The following ZFHX3 variants were observed in gnomAD, a reference collection of about 807,000 sequenced individuals.
The protein encoded by ZFHX3 is zinc finger homeobox 3.
ZFHX3 carries 42 observed loss-of-function variants against 279.1 expected under a neutral mutation model. That is an observed-to-expected ratio of 0.15 (90% CI 0.12 to 0.19). ZFHX3 has a LOEUF of 0.19. ZFHX3 is among the 10% of genes least tolerant of loss of function. The probability of loss-of-function intolerance (pLI) is 1.00; values close to 1 mark genes in which losing one functional copy is unlikely to be tolerated. For synonymous variants in ZFHX3, 2,293 were observed against 1,957.8 expected, an observed-to-expected ratio of 1.17 and a Z score of -4.52; for missense variants, 4,981 against 4,754.0, an observed-to-expected ratio of 1.05 and a Z score of -1.40.
chr16:73,727,260 G>A (rs2053526785), intron 1 of ZFHX3, among the ~76,000 whole-genome samples: 1 of 152,232 alleles, frequency 6.6e-6, no homozygotes. Context: ...AAGCCAGAGA[G>A]GAGCCTCCAG....
chr16:72,854,569 T>C (rs2037701868), intron 4 of ZFHX3, among the ~76,000 whole-genome samples: 1 of 152,098 alleles, frequency 6.6e-6, no homozygotes, highest in African/African-American at 2.4e-5. Context: ...AAGATGGTCC[T>C]GGACAAATGA....
intron 4 of ZFHX3, among the ~76,000 whole-genome samples, chr16:73,260,448 C>A (rs1259617242): frequency 6.6e-6 from 1 of 152,066 alleles, no homozygotes; most frequent in African/African-American, 2.4e-5. Flanking sequence ...TTGATGCACG[C>A]TTGGCCAGTT....
intron 3 of ZFHX3, among the ~76,000 whole-genome samples, chr16:73,367,666 C>A (rs1349270819): frequency 6.6e-6 from 1 of 151,900 alleles, no homozygotes; most frequent in Admixed American, 6.6e-5. Flanking sequence ...GTCCAGCCCA[C>A]CTTGGGCTTG....
intron 3 of ZFHX3, among the ~76,000 whole-genome samples, chr16:73,392,395 G>A (rs1381854578): frequency 1.9e-5 from 2 of 107,668 alleles, no homozygotes; most frequent in African/African-American, 7.2e-5. Flanking sequence ...CTCCAGCCTG[G>A]GTGACAGAAT....
At chr16:73,537,276 G>A (rs1166898726) in intron 2 of ZFHX3, among the ~76,000 whole-genome samples, 2 of 144,466 alleles carry the variant, frequency 1.4e-5, no homozygotes, top group African/African-American at 5.1e-5. Context: ...CTTGTGTTCT[G>A]ATTCCGGCTC....
At chr16:73,880,918 G>A (rs1019281056) in intron 1 of ZFHX3, among the ~76,000 whole-genome samples, 2 of 152,138 alleles carry the variant, frequency 1.3e-5, no homozygotes, top group South Asian at 2.1e-4. Context: ...TGATATAGGC[G>A]AGAAGAGTAT....
intron 3 of ZFHX3, among the ~76,000 whole-genome samples, chr16:73,334,611 C>A (rs2015872782): frequency 6.6e-6 from 1 of 151,832 alleles, no homozygotes; most frequent in African/African-American, 2.4e-5. Flanking sequence ...GCCGAGTGGC[C>A]ACTCGCAGTC....
chr16:72,973,836 G>C (rs1326282363), intron 1 of ZFHX3: 3 of 152,146 alleles, frequency 2.0e-5, no homozygotes, highest in African/African-American at 7.2e-5. Flanking sequence ...CGAAATCACT[G>C]CACTCCAGCC....
At chr16:72,955,545 A>T (rs997400697) in intron 2 of ZFHX3, among the ~76,000 whole-genome samples, 3 of 152,168 alleles carry the variant, frequency 2.0e-5, no homozygotes, top group African/African-American at 7.2e-5. Context: ...TTGGGAGGCC[A>T]AGGCGGGCAG....
At chr16:73,681,533 G>A (rs546661102) in intron 1 of ZFHX3, among the ~76,000 whole-genome samples, 1 of 152,316 alleles carries the variant, frequency 6.6e-6, no homozygotes, top group Non-Finnish European at 1.5e-5. Flanking sequence ...ATAGTCATGA[G>A]TCTAGAGCAC....
chr16:73,138,303 C>A (rs996994912), intron 6 of ZFHX3, among the ~76,000 whole-genome samples: 2 of 152,096 alleles, frequency 1.3e-5, no homozygotes, highest in Non-Finnish European at 2.9e-5. Flanking sequence ...CTACTTTTAC[C>A]CAAAGAAGTT....
chr16:72,953,167 T>C (rs1179021128), intron 2 of ZFHX3, among the ~76,000 whole-genome samples: 1 of 152,044 alleles, frequency 6.6e-6, no homozygotes, highest in Non-Finnish European at 1.5e-5. Flanking sequence ...GCCACAGAAA[T>C]CTTTTGCACA....
At chr16:73,347,993 C>T (rs1039518480) in intron 3 of ZFHX3, among the ~76,000 whole-genome samples, 94 of 152,196 alleles carry the variant, frequency 6.2e-4, no homozygotes, top group African/African-American at 2.1e-3. Context: ...CAAGCTTGTT[C>T]CTTAGGCAGT....
At chr16:73,856,278 A>T (rs1961725060) in intron 1 of ZFHX3, among the ~76,000 whole-genome samples, 1 of 152,194 alleles carries the variant, frequency 6.6e-6, no homozygotes, top group Non-Finnish European at 1.5e-5. Flanking sequence ...AAAACGTTTT[A>T]CACTAAGCAT....
At chr16:73,512,088 T>C (rs2019438125) in intron 2 of ZFHX3, among the ~76,000 whole-genome samples, 1 of 151,958 alleles carries the variant, frequency 6.6e-6, no homozygotes, top group Non-Finnish European at 1.5e-5. Flanking sequence ...ATAGCTTACA[T>C]GCTGCAGGAA....
At chr16:73,105,552 A>G (rs117199825) in intron 7 of ZFHX3, among the ~76,000 whole-genome samples, 22,906 of 151,550 alleles carry the variant, frequency 0.15, 2,040 homozygotes, top group Middle Eastern at 0.25. Flanking sequence ...AGGAGTTTCA[A>G]GACCCGCCTG....
In ZFHX3 at chr16:73,196,497, T is replaced by A. The variant is rs550575676; in HGVS notation, c.-1103-52666A>T. ...CTGAAAAATAATTCTGAACTGGGGCTTGAAAACATAGAGTTGAGAAACAAA... is the reference window on the plus strand; with the variant it reads ...CTGAAAAATAATTCTGAACTGGGGCATGAAAACATAGAGTTGAGAAACAAA... On this transcript the variant is annotated intron_variant, in intron 5 of 17. Coordinates refer to the ZFHX3 transcript ENST00000641206. Among the ~76,000 whole-genome samples, 24 of 152,136 alleles carry A rather than the reference T, an allele frequency of 1.6e-4. No homozygotes were observed. The South Asian group carries it at 3.5e-3, about 22-fold the overall frequency.
At chr16:73,411,519 T>C (rs1405813505) in intron 3 of ZFHX3, among the ~76,000 whole-genome samples, 1 of 152,158 alleles carries the variant, frequency 6.6e-6, no homozygotes, top group Non-Finnish European at 1.5e-5. Context: ...TTTTTCAGGA[T>C]CACATTAAGT....
chr16:72,885,672 G>C (rs2038605767), intron 4 of ZFHX3, among the ~76,000 whole-genome samples: 1 of 152,234 alleles, frequency 6.6e-6, no homozygotes. Context: ...TGAGACTGGG[G>C]ATGAGGTCCA....
Sources: gnomAD v4.1 joint callset for allele counts (sites outside exome capture counted in the v4.1 genomes callset) on GRCh38, gnomAD v4.1.1 for gene constraint, MANE v1.5 for transcripts, NCBI Gene and HGNC (gene_info 2026-07-23, HGNC 2026-07-21) for gene names.